Variants in TENM2 observed in about 807,000 individuals in gnomAD.
TENM2 encodes the protein teneurin transmembrane protein 2.
TENM2 carries 52 observed loss-of-function variants against 245.2 expected under a neutral mutation model. That is an observed-to-expected ratio of 0.21 (90% CI 0.17 to 0.27). The LOEUF (loss-of-function observed/expected upper bound fraction) is 0.27. TENM2 is among the 10% of genes least tolerant of loss of function. The pLI, the probability that TENM2 is intolerant of heterozygous loss-of-function variation, is 1.00. For missense variants in TENM2, 3,046 were observed against 3,666.8 expected (o/e 0.83, Z 4.37); for synonymous variants, 1,363 against 1,438.9 (o/e 0.95, Z 1.19).
the TENM2 span, among the ~76,000 whole-genome samples, chr5:167,079,266 T>TAC: frequency 7.1e-6 from 1 of 141,278 alleles, no homozygotes; most frequent in Non-Finnish European, 1.5e-5. Context: ...TCCATATATA[T>TAC]ATATACACAC....
intron 3 of TENM2, among the ~76,000 whole-genome samples, chr5:167,946,778 G>C (rs1779661755): frequency 6.6e-6 from 1 of 152,136 alleles, no homozygotes; most frequent in Non-Finnish European, 1.5e-5. Context: ...CTCACTTACT[G>C]GATCTGTGAA....
chr5:167,829,190 TGAA>T (rs1362368550), intron 2 of TENM2, among the ~76,000 whole-genome samples: 1 of 152,204 alleles, frequency 6.6e-6, no homozygotes, highest in Non-Finnish European at 1.5e-5. Flanking sequence ...TTTCCTCTTA[TGAA>T]GAAGAAGAAA....
At chr5:168,224,847 C>A (rs748069799) in intron 23 of TENM2, among the ~76,000 whole-genome samples, 3 of 152,204 alleles carry the variant, frequency 2.0e-5, no homozygotes, top group Non-Finnish European at 2.9e-5. Flanking sequence ...GCTCAAAGGC[C>A]TGGAAACGAG....
At chr5:168,094,378 C>A (rs936580066) in intron 8 of TENM2, among the ~76,000 whole-genome samples, 5 of 152,006 alleles carry the variant, frequency 3.3e-5, no homozygotes, top group Non-Finnish European at 4.4e-5. Context: ...GAACAGGGAG[C>A]CTTGACCTCA....
At chr5:168,157,441 G>A (rs893078572) in intron 12 of TENM2, among the ~76,000 whole-genome samples, 5 of 152,132 alleles carry the variant, frequency 3.3e-5, no homozygotes, top group African/African-American at 1.2e-4. Flanking sequence ...GAGGCAGGGA[G>A]ACCAGTTAGG....
At chr5:167,836,917 A>T (rs1338153323) in intron 2 of TENM2, among the ~76,000 whole-genome samples, 1 of 152,188 alleles carries the variant, frequency 6.6e-6, no homozygotes, top group Admixed American at 6.5e-5. Flanking sequence ...GAGGCACTGG[A>T]AAATCTGCTT....
At chr5:167,147,321 T>G in the TENM2 span, among the ~76,000 whole-genome samples, 2 of 152,158 alleles carry the variant, frequency 1.3e-5, no homozygotes, top group Non-Finnish European at 2.9e-5. Context: ...TGTGTCCAGT[T>G]TTCAATTAAG....
At chr5:167,859,787 G>T (rs1658738516) in intron 2 of TENM2, among the ~76,000 whole-genome samples, 2 of 81,150 alleles carry the variant, frequency 2.5e-5, no homozygotes, top group Admixed American at 9.5e-5. Flanking sequence ...GAGGTGGGGG[G>T]GTCAGCCCTC....
intron 2 of TENM2, among the ~76,000 whole-genome samples, chr5:167,866,570 G>T (rs1772344355): frequency 6.6e-6 from 1 of 151,742 alleles, no homozygotes; most frequent in Non-Finnish European, 1.5e-5. Flanking sequence ...GATATGAGGA[G>T]AGAATGATTC....
chr5:167,601,553 A>G (rs1026419933), intron 2 of TENM2, among the ~76,000 whole-genome samples: 1 of 152,248 alleles, frequency 6.6e-6, no homozygotes, highest in Non-Finnish European at 1.5e-5. Flanking sequence ...GAGCAAGAAG[A>G]TCCATGAGAG....
In TENM2 at chr5:167,760,984, A is replaced by G. The variant is rs192823430; in HGVS notation, c.503-115002A>G. Among the ~76,000 whole-genome samples, 237 of 151,892 alleles carry G rather than the reference A, an allele frequency of 1.6e-3. 1 individual carries two copies. Among genetic ancestry groups the G allele is most frequent in the African/African-American group, 5.4e-3 (223 of 41,462 alleles). ...CTGTTCATGTCCTGCTGCAATGTCC[A>G]TGTCCTTGCCCAACAAGTGACCCAC... On this transcript the variant is annotated intron_variant, in intron 2 of 28. Transcript: ENST00000518659.
At chr5:167,591,809 C>T (rs890672935) in intron 2 of TENM2, among the ~76,000 whole-genome samples, 15 of 152,190 alleles carry the variant, frequency 9.9e-5, no homozygotes, top group African/African-American at 3.1e-4. Flanking sequence ...TTGGCATTCT[C>T]AATAATCATT....
At chr5:167,246,610 C>T in the TENM2 span, among the ~76,000 whole-genome samples, 75 of 152,014 alleles carry the variant, frequency 4.9e-4, no homozygotes, top group African/African-American at 1.8e-3. Flanking sequence ...TGACTTGATG[C>T]CTAACCGTAT....
chr5:168,062,672 C>T (rs997638243), intron 7 of TENM2, among the ~76,000 whole-genome samples: 2 of 152,058 alleles, frequency 1.3e-5, no homozygotes, highest in Non-Finnish European at 2.9e-5. Flanking sequence ...CCGATATAGC[C>T]GTACCATTAG....
chr5:167,009,877 A>G, the TENM2 span, among the ~76,000 whole-genome samples: 1 of 152,232 alleles, frequency 6.6e-6, no homozygotes, highest in Non-Finnish European at 1.5e-5. Flanking sequence ...CCAGAAAAGT[A>G]TCTGAATTGG....
At chr5:167,060,704 A>G in the TENM2 span, among the ~76,000 whole-genome samples, 2 of 151,786 alleles carry the variant, frequency 1.3e-5, no homozygotes, top group African/African-American at 4.8e-5. Context: ...ATATTTTATT[A>G]AACCTAACAT....
intron 2 of TENM2, among the ~76,000 whole-genome samples, chr5:167,637,061 A>G (rs1283633644): frequency 6.6e-6 from 1 of 152,136 alleles, no homozygotes; most frequent in South Asian, 2.1e-4. Context: ...CTCATGCACG[A>G]TATGGGGGAA....
chr5:167,792,224 A>T (rs1363923297), intron 2 of TENM2, among the ~76,000 whole-genome samples: 4 of 151,996 alleles, frequency 2.6e-5, no homozygotes, highest in Non-Finnish European at 5.9e-5. Context: ...CCTTCATTAC[A>T]GCCTCTTCCC....
At chr5:168,022,649 G>A (rs949929597) in intron 5 of TENM2, among the ~76,000 whole-genome samples, 1 of 152,192 alleles carries the variant, frequency 6.6e-6, no homozygotes, top group African/African-American at 2.4e-5. Flanking sequence ...AAGGAAAGCA[G>A]ATTTTTTGGA....
Sources: allele counts gnomAD v4.1 joint callset (sites outside exome capture counted in the v4.1 genomes callset), GRCh38; gene constraint gnomAD v4.1.1; transcripts MANE v1.5; gene names NCBI Gene and HGNC (gene_info 2026-07-23, HGNC 2026-07-21).